UBE2D4: variants seen among roughly 807,000 people sequenced by gnomAD.
UBE2D4 encodes ubiquitin-conjugating enzyme E2 D4.
In UBE2D4, 17 loss-of-function variants were observed where a neutral mutation model predicts 23.0. That is an observed-to-expected ratio of 0.74 (90% CI 0.51 to 1.11). The LOEUF (loss-of-function observed/expected upper bound fraction) is 1.11, where lower values mean the gene tolerates loss of function less well. Among genes scored for constraint, UBE2D4 ranks in the 50% least tolerant of loss-of-function variants. The pLI is 0.00. For missense variants in UBE2D4, 139 were observed against 181.8 expected, an observed-to-expected ratio of 0.76 and a Z score of 1.35; for synonymous variants, 61 against 69.4, an observed-to-expected ratio of 0.88 and a Z score of 0.60.
chr7:43,938,423 T>C lies in UBE2D4; in HGVS notation c.25-8T>C. ...ACAGCAGCTCTGACCCACTCTCTCA[T>C]GTTCTAGGAATTAACCGACTTGCAG... On this transcript the variant is annotated splice_region_variant and splice_polypyrimidine_tract_variant and intron_variant, in intron 1 of 6. Transcript: ENST00000222402. 1.2e-6 allele frequency: 2 copies of C among 1,613,856 alleles called. No individual in the cohort carries two copies. The highest frequency in any genetic ancestry group is 1.7e-4 in the Middle Eastern group (1 of 6,028).
At chr7:43,950,541 C>G (rs540145856) in intron 5 of UBE2D4, 58 bp from the exon 6 acceptor site, 31 of 1,412,704 alleles carry the variant, frequency 2.2e-5, no homozygotes, top group Middle Eastern at 3.5e-4. Context: ...GAAGTTTACC[C>G]AGGGGTGACC....
chr7:43,952,756 T>A lies in UBE2D4; in HGVS notation c.*61T>A. ...AGAAGCTGGCAGAGAGGTCTTCCCT[T>A]AAAACTTTGGGCTGTTGGCTGAGCC... On this transcript the variant is annotated 3_prime_UTR_variant, in exon 7 of 7. Coordinates refer to ENST00000222402, the MANE Select transcript of UBE2D4 (RefSeq NM_015983.4). 1 of 1,452,770 alleles carries A rather than the reference T, an allele frequency of 6.9e-7. No homozygotes were observed. The highest frequency in any genetic ancestry group is 9.7e-7 in the Non-Finnish European group (1 of 1,033,744). The allele number at this position is 1,452,770 out of a possible 1,614,324, so 90.0% of individuals were successfully genotyped here. A position where few individuals can be genotyped will look rare whatever the true frequency, so the allele number is the denominator to read the frequency against.
At chr7:43,938,327 G>T (rs1460489159) in intron 1 of UBE2D4, 104 bp from the exon 2 acceptor site, 1 of 1,118,978 alleles carries the variant, frequency 8.9e-7, no homozygotes, top group East Asian at 2.4e-5. Flanking sequence ...CTGAGGCCTA[G>T]GAGCCTCCTC....
At chr7:43,932,179 C>T (rs1469725802) in intron 1 of UBE2D4, among the ~76,000 whole-genome samples, 6 of 151,594 alleles carry the variant, frequency 4.0e-5, no homozygotes, top group African/African-American at 9.7e-5. Context: ...TTAGGAGAGA[C>T]GGGGTTTCAC....
intron 4 of UBE2D4, among the ~76,000 whole-genome samples, chr7:43,946,475 C>A (rs1402176947): frequency 2.0e-5 from 3 of 152,048 alleles, no homozygotes; most frequent in Non-Finnish European, 4.4e-5. Flanking sequence ...TTTCATTTCT[C>A]TTCCAAGAGT....
chr7:43,937,987 A>G (rs2095962166), intron 1 of UBE2D4, among the ~76,000 whole-genome samples: 1 of 152,102 alleles, frequency 6.6e-6, no homozygotes, highest in African/African-American at 2.4e-5. Context: ...GCTTCCATGC[A>G]TTAATTCATT....
intron 1 of UBE2D4, among the ~76,000 whole-genome samples, chr7:43,936,382 A>G (rs942504260): frequency 6.6e-6 from 1 of 152,168 alleles, no homozygotes; most frequent in African/African-American, 2.4e-5. Context: ...CTACTATTCA[A>G]TACTTTAACT....
At chr7:43,946,983 A>C (rs2095989012) in intron 4 of UBE2D4, among the ~76,000 whole-genome samples, 2 of 151,688 alleles carry the variant, frequency 1.3e-5, no homozygotes, top group African/African-American at 4.8e-5. Context: ...GCACCCATCA[A>C]CTCATCATTT....
Position 43,949,589 on chromosome 7 carries a change from G to C in UBE2D4, c.304+852G>C, listed in dbSNP as rs1301198233. Reference sequence around the variant, plus strand: ...GTAGCTTTATGTGTGGGGACCTGTGGTCAGAACTTTGATGGACTCACTGAA... The same window carrying C: ...GTAGCTTTATGTGTGGGGACCTGTGCTCAGAACTTTGATGGACTCACTGAA... On this transcript the variant is annotated intron_variant, in intron 5 of 6. Transcript: ENST00000222402. Among the ~76,000 whole-genome samples, 4 of 152,198 alleles carry C rather than the reference G, an allele frequency of 2.6e-5. No individual in the cohort carries two copies. In the East Asian group the frequency reaches 7.7e-4, roughly 29 times the overall value.
intron 4 of UBE2D4, 156 bp from the exon 5 acceptor site, chr7:43,948,476 A>G (rs1357257117): frequency 1.7e-5 from 10 of 587,136 alleles, no homozygotes; most frequent in Non-Finnish European, 3.1e-5. Context: ...ATATCCCATT[A>G]GAGTTTGGGA....
At chr7:43,948,798 AC>A (rs1407745364) in intron 5 of UBE2D4, 61 bp downstream of exon 5, 1 of 1,313,180 alleles carries the variant, frequency 7.6e-7, no homozygotes, top group African/African-American at 1.4e-5. Flanking sequence ...CCCAGCACTG[AC>A]TGAGTGGAAA....
intron 2 of UBE2D4, 22 bp from the exon 3 acceptor site, chr7:43,942,804 C>A (rs2095976248): frequency 6.2e-7 from 1 of 1,613,980 alleles, no homozygotes; most frequent in African/African-American, 1.3e-5. Flanking sequence ...TCTTACATGC[C>A]CGTCTCTCTT....
chr7:43,946,672 A>G (rs1451167561), intron 4 of UBE2D4, among the ~76,000 whole-genome samples: 3 of 152,176 alleles, frequency 2.0e-5, no homozygotes, highest in African/African-American at 7.2e-5. Flanking sequence ...TCTGTTGCTT[A>G]TATATAACAT....
In UBE2D4 at chr7:43,953,990, C is replaced by G. The variant is rs1562610881; in HGVS notation, c.*1295C>G. 1 of 152,188 alleles carries G rather than the reference C, an allele frequency of 6.6e-6. No individual in the cohort carries two copies. The highest frequency in any genetic ancestry group is 2.1e-4 in the South Asian group (1 of 4,830). 9.4% of individuals were successfully genotyped at this position (152,188 alleles called of 1,614,324 possible). On this transcript the variant is annotated 3_prime_UTR_variant, in exon 7 of 7. Transcript: ENST00000222402. Reference sequence around the variant, plus strand: ...GCTGATTGAAAGGAAGTCTACAGACCTAACATAAGCAGTCAGCCAAAGGTG... The same window carrying G: ...GCTGATTGAAAGGAAGTCTACAGACGTAACATAAGCAGTCAGCCAAAGGTG...
In UBE2D4 at chr7:43,942,861, G is replaced by C. The variant is rs2095976411; in HGVS notation, c.120+4G>C. 8.1e-6 allele frequency: 13 copies of C among 1,614,194 alleles called. No homozygotes were observed. The highest frequency in any genetic ancestry group is 1.1e-5 in the Non-Finnish European group (13 of 1,180,040). On this transcript the variant is annotated splice_donor_region_variant and intron_variant, in intron 3 of 6. Transcript: ENST00000222402. The stretch of plus-strand genomic sequence containing the variant: ...GCAGGCCACCATCATGGGCCCGGTA[G>C]GTAGTAGCTGCTGAGCGCACCACTC...
intron 1 of UBE2D4, among the ~76,000 whole-genome samples, chr7:43,932,984 G>GCATATATATA (rs1269226650): frequency 1.2e-5 from 1 of 85,794 alleles, no homozygotes; most frequent in African/African-American, 4.4e-5. Flanking sequence ...AAATGTTAAA[G>GCATATATATA]TATATATATA....
chr7:43,953,504 G>T lies in UBE2D4; in HGVS notation c.*809G>T, dbSNP rs765514794. On this transcript the variant is annotated 3_prime_UTR_variant, in exon 7 of 7. Transcript: ENST00000222402. ...CCAAGTGTGAGCCATTCACAGACTA[G>T]AACACAAGGAGGGAGAGAGACTCTT... 74 of 248,140 alleles carry T rather than the reference G, an allele frequency of 3.0e-4. 1 individual carries two copies. The highest frequency in any genetic ancestry group is 5.6e-4 in the Non-Finnish European group (70 of 124,428). The allele number at this position is 248,140 out of a possible 1,614,324, so 15.4% of individuals were successfully genotyped here. A position where few individuals can be genotyped will look rare whatever the true frequency, so the allele number is the denominator to read the frequency against.
At chr7:43,933,678 A>G (rs1383915398) in intron 1 of UBE2D4, among the ~76,000 whole-genome samples, 3 of 152,186 alleles carry the variant, frequency 2.0e-5, no homozygotes, top group Non-Finnish European at 4.4e-5. Context: ...CAGTAGGCAG[A>G]GGTTGCAGTG....
chr7:43,949,626 T>A (rs1314716952), intron 5 of UBE2D4, among the ~76,000 whole-genome samples: 1 of 152,240 alleles, frequency 6.6e-6, no homozygotes, highest in East Asian at 1.9e-4. Flanking sequence ...CCAGTTTGTT[T>A]GGAATCATAT....
Sources: gnomAD v4.1 joint callset for allele counts (sites outside exome capture counted in the v4.1 genomes callset) on GRCh38, gnomAD v4.1.1 for gene constraint, MANE v1.5 for transcripts, NCBI Gene and HGNC (gene_info 2026-07-23, HGNC 2026-07-21) for gene names.